Variants in DLG2 observed in about 807,000 individuals in gnomAD.
The protein encoded by DLG2 is disks large homolog 2.
Under a neutral mutation model 132.5 loss-of-function variants are expected in DLG2, and 45 were observed. The ratio of observed to expected loss-of-function variants is 0.34; its 90% CI spans 0.27 to 0.44. DLG2 has a LOEUF of 0.44. DLG2 is among the 20% of genes least tolerant of loss of function. DLG2 has a pLI of 1.00. For missense variants in DLG2, 1,045 were observed against 1,196.9 expected (o/e 0.87, Z 1.87); for synonymous variants, 424 against 419.6 (o/e 1.01, Z -0.13).
intron 10 of DLG2, among the ~76,000 whole-genome samples, chr11:84,086,491 CT>C (rs66719037): frequency 0.78 from 86,489 of 110,358 alleles, 32,962 homozygotes; most frequent in Middle Eastern, 0.9. Flanking sequence ...TTCTTTCTTT[CT>C]TTTTTTTTTT....
intron 21 of DLG2, among the ~76,000 whole-genome samples, chr11:83,518,030 C>G (rs556954650): frequency 9.2e-5 from 14 of 152,290 alleles, no homozygotes; most frequent in Admixed American, 7.2e-4. Flanking sequence ...CTGGGAGAAC[C>G]ACTACTCTCT....
intron 21 of DLG2, among the ~76,000 whole-genome samples, chr11:83,498,248 T>G (rs1349747062): frequency 6.6e-6 from 1 of 152,106 alleles, no homozygotes; most frequent in African/African-American, 2.4e-5. Context: ...TATTAATAGC[T>G]CTCACCATAG....
intron 18 of DLG2, among the ~76,000 whole-genome samples, chr11:83,659,022 T>C (rs1365398671): frequency 6.6e-6 from 1 of 152,090 alleles, no homozygotes; most frequent in Non-Finnish European, 1.5e-5. Context: ...GTACTCTCAC[T>C]TACTGTCTTG....
intron 19 of DLG2, among the ~76,000 whole-genome samples, chr11:83,558,495 C>T (rs2096557093): frequency 6.6e-6 from 1 of 152,048 alleles, no homozygotes; most frequent in African/African-American, 2.4e-5. Flanking sequence ...TATTGAATGC[C>T]TGCTATTGGT....
At chr11:84,071,525 C>A (rs904395867) in intron 10 of DLG2, among the ~76,000 whole-genome samples, 4 of 152,164 alleles carry the variant, frequency 2.6e-5, no homozygotes, top group African/African-American at 7.2e-5. Flanking sequence ...CTGCCTCAGC[C>A]TCCTGAGTAT....
At chr11:84,038,927 C>T (rs1440854855) in intron 11 of DLG2, among the ~76,000 whole-genome samples, 5 of 151,996 alleles carry the variant, frequency 3.3e-5, no homozygotes, top group Non-Finnish European at 7.4e-5. Flanking sequence ...CTCAATATCA[C>T]TGGAACAGCA....
intron 21 of DLG2, among the ~76,000 whole-genome samples, chr11:83,504,671 T>C (rs2094602463): frequency 1.3e-5 from 2 of 152,058 alleles, no homozygotes; most frequent in African/African-American, 2.4e-5. Context: ...GAATGTAATG[T>C]TGTGGGAGGA....
At chr11:84,594,438 C>A (rs2099551453) in intron 6 of DLG2, among the ~76,000 whole-genome samples, 1 of 151,936 alleles carries the variant, frequency 6.6e-6, no homozygotes, top group South Asian at 2.1e-4. Flanking sequence ...AAAGCCTCAC[C>A]CAAAAAATGA....
intron 6 of DLG2, among the ~76,000 whole-genome samples, chr11:85,013,622 C>G (rs1362880498): frequency 1.3e-5 from 2 of 151,958 alleles, no homozygotes; most frequent in African/African-American, 4.8e-5. Flanking sequence ...ATAACAGGCA[C>G]AAGTAAATAT....
intron 17 of DLG2, among the ~76,000 whole-genome samples, chr11:83,797,296 T>C (rs191640172): frequency 6.6e-6 from 1 of 152,310 alleles, no homozygotes; most frequent in Non-Finnish European, 1.5e-5. Context: ...ACACTTAATA[T>C]GTGCCAGGCA....
intron 7 of DLG2, among the ~76,000 whole-genome samples, chr11:84,452,264 G>A (rs2154481367): frequency 6.6e-6 from 1 of 151,788 alleles, no homozygotes; most frequent in South Asian, 2.1e-4. Flanking sequence ...AGAATGAGGA[G>A]GAAAATGGTA....
At chr11:84,489,133 C>T (rs2099158201) in intron 7 of DLG2, among the ~76,000 whole-genome samples, 1 of 151,916 alleles carries the variant, frequency 6.6e-6, no homozygotes, top group Admixed American at 6.6e-5. Flanking sequence ...AGATTCATCC[C>T]CTGCATGGCT....
chr11:85,307,543 A>G (rs1455487201), intron 3 of DLG2, among the ~76,000 whole-genome samples: 1 of 152,206 alleles, frequency 6.6e-6, no homozygotes, highest in African/African-American at 2.4e-5. Flanking sequence ...AGAAGAGCCA[A>G]ACTCATAATG....
chr11:84,586,626 T>A (rs1312599962), intron 6 of DLG2, among the ~76,000 whole-genome samples: 1 of 152,168 alleles, frequency 6.6e-6, no homozygotes, highest in East Asian at 1.9e-4. Flanking sequence ...TATTGTTATA[T>A]TTGAAACTAT....
intron 4 of DLG2, among the ~76,000 whole-genome samples, chr11:85,203,738 A>G (rs1481953884): frequency 6.6e-6 from 1 of 152,116 alleles, no homozygotes; most frequent in Non-Finnish European, 1.5e-5. Context: ...CACAGCACCT[A>G]AGAAAGCTAC....
chr11:84,957,813 T>C lies in DLG2; in HGVS notation c.357+153848A>G, dbSNP rs150995560. Among the ~76,000 whole-genome samples, 337 of 152,348 alleles carry C rather than the reference T, an allele frequency of 2.2e-3. 2 individuals are homozygous for C. Among genetic ancestry groups the C allele is most frequent in the African/African-American group, 7.8e-3 (324 of 41,578 alleles). ...TCACGTGTATCATCTCTCACCATTG[T>C]CATGGTATGATTGCTGTGTCTGTGC... On this transcript the variant is annotated intron_variant, in intron 6 of 27. Coordinates refer to ENST00000376104, the MANE Select transcript of DLG2 (RefSeq NM_001142699.3).
At chr11:83,595,200 C>T (rs1221055399) in intron 19 of DLG2, among the ~76,000 whole-genome samples, 1 of 152,040 alleles carries the variant, frequency 6.6e-6, no homozygotes, top group African/African-American at 2.4e-5. Context: ...GAGTTTTCTC[C>T]CAGCTCTTGG....
At chr11:85,302,238 CT>C (rs1297665154) in intron 3 of DLG2, among the ~76,000 whole-genome samples, 56 of 152,300 alleles carry the variant, frequency 3.7e-4, no homozygotes, top group Admixed American at 1.0e-3. Context: ...GACTTTTGGT[CT>C]GTTATTTCCA....
chr11:84,504,442 G>T (rs745768481), intron 7 of DLG2, among the ~76,000 whole-genome samples: 1 of 151,936 alleles, frequency 6.6e-6, no homozygotes, highest in Non-Finnish European at 1.5e-5. Context: ...ATTATCAAAC[G>T]CTGTTACCAC....
Sources: gnomAD v4.1 joint callset for allele counts (sites outside exome capture counted in the v4.1 genomes callset) on GRCh38, gnomAD v4.1.1 for gene constraint, MANE v1.5 for transcripts, NCBI Gene and HGNC (gene_info 2026-07-23, HGNC 2026-07-21) for gene names.